Variants in TENT4A observed in about 807,000 individuals in gnomAD.
TENT4A encodes the protein terminal nucleotidyltransferase 4A.
In TENT4A, 7 loss-of-function variants were observed where a neutral mutation model predicts 72.8. The ratio of observed to expected loss-of-function variants is 0.10; its 90% CI spans 0.05 to 0.18. The LOEUF (loss-of-function observed/expected upper bound fraction) is 0.18, where lower values mean the gene tolerates loss of function less well. TENT4A is among the 10% of genes least tolerant of loss of function. TENT4A has a pLI of 1.00. For missense variants in TENT4A, 831 were observed against 1,017.7 expected, an observed-to-expected ratio of 0.82 and a Z score of 2.50; for synonymous variants, 456 against 434.3, an observed-to-expected ratio of 1.05 and a Z score of -0.62.
intron 11 of TENT4A, chr5:6,751,425 T>A: frequency 2.7e-6 from 1 of 372,712 alleles, no homozygotes; most frequent in South Asian, 4.3e-5. Context: ...CTGCCGTGGC[T>A]TTTCACGGGG....
At chr5:6,738,799 C>A (rs1267498327) in intron 3 of TENT4A, 70 bp downstream of exon 3, 3 of 1,102,106 alleles carry the variant, frequency 2.7e-6, no homozygotes, top group Non-Finnish European at 4.2e-6. Context: ...TTAAGGGCTA[C>A]AAATAGATTC....
Position 6,755,502 on chromosome 5 carries a change from G to A in TENT4A, c.*557G>A, listed in dbSNP as rs1203280373. On this transcript the variant is annotated 3_prime_UTR_variant, in exon 13 of 13. Transcript: ENST00000230859. ...ATTTTCACATAAGTTATATTTAAGG[G>A]AGGAGGGAATTTTTTTTAAACAAGC... The A allele has an allele frequency of 6.6e-6, 1 of 152,660 alleles. No homozygotes were observed. The highest frequency in any genetic ancestry group is 2.4e-5 in the African/African-American group (1 of 41,458). The allele number at this position is 152,660 out of a possible 1,614,324, so 9.5% of individuals were successfully genotyped here.
At chr5:6,716,026 C>T (rs560926741) in intron 1 of TENT4A, among the ~76,000 whole-genome samples, 12 of 152,280 alleles carry the variant, frequency 7.9e-5, no homozygotes, top group Admixed American at 7.2e-4. Flanking sequence ...TGTTATGTAA[C>T]TGGAATGGAC....
At chr5:6,719,936 G>A (rs1401797639) in intron 1 of TENT4A, among the ~76,000 whole-genome samples, 2 of 152,166 alleles carry the variant, frequency 1.3e-5, no homozygotes, top group Non-Finnish European at 2.9e-5. Flanking sequence ...TGAAGTCAAG[G>A]TGTTGGCCAG....
At chr5:6,731,304 G>T (rs889360523) in intron 1 of TENT4A, among the ~76,000 whole-genome samples, 3 of 152,180 alleles carry the variant, frequency 2.0e-5, no homozygotes, top group African/African-American at 7.2e-5. Flanking sequence ...ATTTTACGTT[G>T]TAATGGAAAA....
At chr5:6,750,798 T>TA (rs373322461) in intron 10 of TENT4A, 739 of 508,326 alleles carry the variant, frequency 1.5e-3, no homozygotes, top group South Asian at 2.4e-3. Flanking sequence ...ATTTGAAGAT[T>TA]AAAAAAAAAA....
intron 1 of TENT4A, among the ~76,000 whole-genome samples, chr5:6,724,317 A>G (rs749337709): frequency 1.2e-4 from 18 of 152,220 alleles, no homozygotes; most frequent in Non-Finnish European, 7.3e-5. Flanking sequence ...TATTTTGGTT[A>G]TAGGCATCGT....
Position 6,714,248 on chromosome 5 carries a change from C to T in TENT4A, c.265C>T (p.Leu89=). Residue 89 remains leucine, a synonymous_variant, in exon 1 of 13, where the codon CTG becomes TTG. Transcript: ENST00000230859. ...TAPAALPPAL[L]TALGPAAEGA... is the part of the protein sequence containing the mutation. ...GCCCGCCGCGCTGCCCCCCGCGCTG[C>T]TGACGGCGCTGGGGCCCGCGGCCGA... 9.7e-7 allele frequency: 1 copy of T among 1,028,006 alleles called. No individual in the cohort carries two copies. Among genetic ancestry groups the T allele is most frequent in the Non-Finnish European group, 1.2e-6 (1 of 860,000 alleles). The allele number at this position is 1,028,006 out of a possible 1,614,324, so 63.7% of individuals were successfully genotyped here. A position where few individuals can be genotyped will look rare whatever the true frequency, so the allele number is the denominator to read the frequency against.
chr5:6,744,303 C>T (rs1399647253), intron 6 of TENT4A, among the ~76,000 whole-genome samples: 1 of 152,168 alleles, frequency 6.6e-6, no homozygotes, highest in East Asian at 1.9e-4. Context: ...CCTTATTTTG[C>T]TGAGTAACAT....
intron 1 of TENT4A, among the ~76,000 whole-genome samples, chr5:6,718,334 C>A (rs1740484773): frequency 6.6e-6 from 1 of 152,206 alleles, no homozygotes; most frequent in Admixed American, 6.5e-5. Context: ...CTCCCTCTAG[C>A]CTGACCTCAC....
intron 11 of TENT4A, among the ~76,000 whole-genome samples, 198 bp from the exon 12 acceptor site, chr5:6,752,675 C>T (rs1441603086): frequency 5.3e-5 from 8 of 152,192 alleles, no homozygotes; most frequent in Admixed American, 4.6e-4. Flanking sequence ...CTTTATATGC[C>T]AGTTGCTGTT....
intron 1 of TENT4A, among the ~76,000 whole-genome samples, chr5:6,734,682 A>T (rs1345670394): frequency 6.6e-6 from 1 of 152,216 alleles, no homozygotes. Context: ...CAGATTTCAG[A>T]CAGGTGTGGT....
intron 1 of TENT4A, among the ~76,000 whole-genome samples, chr5:6,727,350 A>G (rs1420117887): frequency 6.6e-6 from 1 of 152,196 alleles, no homozygotes; most frequent in African/African-American, 2.4e-5. Context: ...GCGTCTCAGC[A>G]GGAGGCAGTG....
intron 1 of TENT4A, among the ~76,000 whole-genome samples, chr5:6,721,022 A>G (rs1422161035): frequency 2.6e-5 from 4 of 152,214 alleles, no homozygotes; most frequent in Non-Finnish European, 5.9e-5. Flanking sequence ...GAAAACTCCC[A>G]CACGGTTCTT....
chr5:6,751,155 G>A lies in TENT4A; in HGVS notation c.1977G>A (p.Gln659=). The A allele has an allele frequency of 6.2e-7, 1 of 1,614,226 alleles. No individual in the cohort carries two copies. Among genetic ancestry groups the A allele is most frequent in the East Asian group, 2.2e-5 (1 of 44,886 alleles). Reference sequence around the variant, plus strand: ...TGCCAATGCCCAGTGGCAAACCTCAGCCCACCACTTCCAGAACACTGATCA... The same window carrying A: ...TGCCAATGCCCAGTGGCAAACCTCAACCCACCACTTCCAGAACACTGATCA... ...TALPMPSGKP[Q]PTTSRTLIMT... is the part of the protein sequence containing the mutation. The change falls in exon 11 of 13, where the codon CAG becomes CAA. Residue 659 remains glutamine (Q), a synonymous_variant. Coordinates refer to ENST00000230859, the MANE Select transcript of TENT4A (RefSeq NM_006999.6).
chr5:6,714,178 C>T lies in TENT4A; in HGVS notation c.195C>T (p.Gly65=), dbSNP rs898296004. The change falls in exon 1 of 13, where the codon GGC becomes GGT. Residue 65 remains glycine, a synonymous_variant. Coordinates refer to ENST00000230859, the MANE Select transcript of TENT4A (RefSeq NM_006999.6). The part of the protein sequence containing the change: ...GAAGRGSGGL[G]PALPAASPPP... The stretch of plus-strand genomic sequence containing the variant: ...CCGGGCGGGGCAGTGGCGGCCTGGG[C>T]CCCGCGCTGCCCGCCGCGTCGCCCC... 1.0e-6 allele frequency: 1 copy of T among 967,936 alleles called. No homozygotes were observed. Among genetic ancestry groups the T allele is most frequent in the Non-Finnish European group, 1.2e-6 (1 of 819,894 alleles). The allele number at this position is 967,936 out of a possible 1,614,324, so 60.0% of individuals were successfully genotyped here.
intron 9 of TENT4A, among the ~76,000 whole-genome samples, chr5:6,750,026 C>T (rs949915468): frequency 4.6e-5 from 7 of 152,236 alleles, no homozygotes; most frequent in South Asian, 2.1e-4. Flanking sequence ...TGTATTTATT[C>T]GTACTTATAG....
At position 6,752,998 on chromosome 5, in the gene TENT4A, G is replaced by A. The variant is rs528722266; in HGVS notation, c.2145G>A (p.Ala715=). The A allele has an allele frequency of 9.5e-5, 154 of 1,614,132 alleles. 4 individuals carry two copies. In the South Asian group the frequency reaches 1.0e-3, roughly 11 times the overall value. The change falls in exon 12 of 13, where the codon GCG becomes GCA. Residue 715 remains alanine, a synonymous_variant. Coordinates refer to ENST00000230859, the MANE Select transcript of TENT4A (RefSeq NM_006999.6). The part of the protein sequence containing the change: ...HHMSSPAIPS[A]SPNPLSSPHL... ...TGTCTTCCCCGGCCATTCCCTCAGC[G>A]TCCCCCAACCCGCTCTCGAGCCCTC...
At chr5:6,744,336 C>T (rs960912857) in intron 6 of TENT4A, among the ~76,000 whole-genome samples, 2 of 152,088 alleles carry the variant, frequency 1.3e-5, no homozygotes, top group Non-Finnish European at 1.5e-5. Flanking sequence ...AATAGAAAAC[C>T]TACGTGTTTT....
Sources: gnomAD v4.1 joint callset for allele counts (sites outside exome capture counted in the v4.1 genomes callset) on GRCh38, gnomAD v4.1.1 for gene constraint, MANE v1.5 for transcripts, NCBI Gene and HGNC (gene_info 2026-07-23, HGNC 2026-07-21) for gene names.